GRID1: variants seen among roughly 807,000 people sequenced by gnomAD.
GRID1 encodes the protein glutamate receptor ionotropic, delta-1.
Under a neutral mutation model 98.0 loss-of-function variants are expected in GRID1, and 28 were observed. The ratio of observed to expected loss-of-function variants is 0.29; its 90% CI spans 0.21 to 0.39. GRID1 has a LOEUF of 0.39. Among genes scored for constraint, GRID1 ranks in the 10% least tolerant of loss-of-function variants. The pLI is 1.00. For synonymous variants in GRID1, 553 were observed against 538.5 expected, an observed-to-expected ratio of 1.03 and a Z score of -0.37; for missense variants, 1,111 against 1,340.5, an observed-to-expected ratio of 0.83 and a Z score of 2.67.
At chr10:86,014,946 C>A (rs1197236918) in intron 4 of GRID1, among the ~76,000 whole-genome samples, 1 of 152,214 alleles carries the variant, frequency 6.6e-6, no homozygotes, top group African/African-American at 2.4e-5. Flanking sequence ...AGCACCCTTT[C>A]TTGAGTTATT....
chr10:86,350,696 C>T (rs898595877), intron 2 of GRID1, among the ~76,000 whole-genome samples: 1 of 152,128 alleles, frequency 6.6e-6, no homozygotes, highest in African/African-American at 2.4e-5. Flanking sequence ...TTATGGGGTA[C>T]AGAGTGATAT....
intron 15 of GRID1, among the ~76,000 whole-genome samples, chr10:85,609,401 T>C (rs930200045): frequency 3.3e-5 from 5 of 152,248 alleles, no homozygotes; most frequent in Non-Finnish European, 7.3e-5. Context: ...TAATTCACTT[T>C]ATATGCCTTC....
intron 8 of GRID1, among the ~76,000 whole-genome samples, chr10:85,737,645 G>GATATATATATATATATATATATATATAT (rs66947723): frequency 4.7e-4 from 45 of 95,638 alleles, no homozygotes; most frequent in Middle Eastern, 7.5e-3. Context: ...AGTAAAGCCA[G>GATATATATATATATATATATATATATAT]ATATATATAT....
chr10:85,786,124 A>C (rs116899153), intron 8 of GRID1, among the ~76,000 whole-genome samples: 1 of 152,314 alleles, frequency 6.6e-6, no homozygotes, highest in Non-Finnish European at 1.5e-5. Flanking sequence ...TTTTTTCATG[A>C]TATTCCCCCA....
chr10:86,112,151 T>C (rs1844497618), intron 4 of GRID1, among the ~76,000 whole-genome samples: 1 of 152,080 alleles, frequency 6.6e-6, no homozygotes, highest in South Asian at 2.1e-4. Flanking sequence ...CTCATCCCTA[T>C]GACTAGGGAC....
rs935430486 is a variant in GRID1, at chr10:86,122,080, C to T, written c.726+16739G>A. On this transcript the variant is annotated intron_variant, in intron 4 of 15. Coordinates refer to ENST00000327946, the MANE Select transcript of GRID1 (RefSeq NM_017551.3). ...ACAGAGTGACAGACCTAAGGGCAAC[C>T]TGTGCCATAGAAGGGAGACAAATGC... 2.6e-5 allele frequency among the ~76,000 whole-genome samples: 4 copies of T among 152,220 alleles called. No individual in the cohort carries two copies. In the South Asian group the frequency reaches 6.2e-4, roughly 24 times the overall value.
chr10:86,351,003 C>T (rs1848454368), intron 2 of GRID1, among the ~76,000 whole-genome samples: 1 of 152,194 alleles, frequency 6.6e-6, no homozygotes, highest in Non-Finnish European at 1.5e-5. Flanking sequence ...TCTATGAGTT[C>T]AATGTGTTTA....
intron 4 of GRID1, among the ~76,000 whole-genome samples, chr10:85,980,670 G>A (rs1842533849): frequency 6.6e-6 from 1 of 152,300 alleles, no homozygotes; most frequent in Non-Finnish European, 1.5e-5. Flanking sequence ...TGGTAAGAGA[G>A]TAATAAAGAA....
intron 7 of GRID1, among the ~76,000 whole-genome samples, chr10:85,855,620 C>G (rs1388166946): frequency 6.6e-6 from 1 of 152,218 alleles, no homozygotes; most frequent in Non-Finnish European, 1.5e-5. Context: ...TCAAATCCAG[C>G]TTTCTAATTC....
intron 3 of GRID1, among the ~76,000 whole-genome samples, chr10:86,191,726 C>T (rs1845805251): frequency 6.6e-6 from 1 of 152,228 alleles, no homozygotes; most frequent in South Asian, 2.1e-4. Context: ...CCAGGACCAT[C>T]TCTCCCATTC....
intron 2 of GRID1, among the ~76,000 whole-genome samples, chr10:86,311,408 C>T (rs913678044): frequency 1.3e-5 from 2 of 152,164 alleles, no homozygotes; most frequent in African/African-American, 4.8e-5. Flanking sequence ...CACCCATATA[C>T]TTGCTCCCAT....
chr10:86,116,343 G>A (rs1196617402), intron 4 of GRID1, among the ~76,000 whole-genome samples: 1 of 152,168 alleles, frequency 6.6e-6, no homozygotes, highest in Non-Finnish European at 1.5e-5. Flanking sequence ...AGGCACATCT[G>A]CAATGCCTCT....
At chr10:85,765,737 T>C (rs1174405249) in intron 8 of GRID1, among the ~76,000 whole-genome samples, 1 of 152,218 alleles carries the variant, frequency 6.6e-6, no homozygotes, top group Non-Finnish European at 1.5e-5. Context: ...AAAACACTTC[T>C]GGTCCCAAGC....
intron 4 of GRID1, among the ~76,000 whole-genome samples, chr10:86,087,607 C>G (rs1844082289): frequency 6.6e-6 from 1 of 152,034 alleles, no homozygotes; most frequent in African/African-American, 2.4e-5. Flanking sequence ...TTTTCCTTCA[C>G]TGGCCACTCC....
At chr10:85,688,279 A>G (rs763997973) in intron 12 of GRID1, among the ~76,000 whole-genome samples, 11 of 152,358 alleles carry the variant, frequency 7.2e-5, no homozygotes, top group Non-Finnish European at 1.3e-4. Flanking sequence ...GACTTCTCAC[A>G]GGAGATCACA....
At chr10:85,659,842 A>T (rs576992437) in intron 12 of GRID1, among the ~76,000 whole-genome samples, 4 of 152,278 alleles carry the variant, frequency 2.6e-5, no homozygotes, top group African/African-American at 9.6e-5. Flanking sequence ...CCTCTGTGAT[A>T]AGCTATTCTT....
At chr10:85,869,430 A>G (rs1439613498) in intron 5 of GRID1, among the ~76,000 whole-genome samples, 2 of 152,218 alleles carry the variant, frequency 1.3e-5, no homozygotes, top group Non-Finnish European at 2.9e-5. Flanking sequence ...CCACTGGTGC[A>G]CTGGTTTCCA....
intron 2 of GRID1, among the ~76,000 whole-genome samples, chr10:86,244,976 A>T (rs1846699658): frequency 6.6e-6 from 1 of 152,246 alleles, no homozygotes; most frequent in Non-Finnish European, 1.5e-5. Context: ...CCAAATTAAA[A>T]GGAGCACCAG....
intron 12 of GRID1, among the ~76,000 whole-genome samples, chr10:85,716,304 G>T (rs561271032): frequency 7.2e-5 from 11 of 151,990 alleles, no homozygotes; most frequent in Non-Finnish European, 1.3e-4. Context: ...GCAAACTATC[G>T]CAAGGACAAA....
Sources: allele counts gnomAD v4.1 joint callset (sites outside exome capture counted in the v4.1 genomes callset), GRCh38; gene constraint gnomAD v4.1.1; transcripts MANE v1.5; gene names NCBI Gene and HGNC (gene_info 2026-07-23, HGNC 2026-07-21).